The following EPG5 variants were observed in gnomAD, a reference collection of about 807,000 sequenced individuals.
EPG5 encodes ectopic P-granules 5 autophagy tethering factor.
EPG5 carries 159 observed loss-of-function variants against 302.7 expected under a neutral mutation model. The ratio of observed to expected loss-of-function variants is 0.53; its 90% CI spans 0.46 to 0.60. The LOEUF (loss-of-function observed/expected upper bound fraction) is 0.60. EPG5 is among the 20% of genes least tolerant of loss of function. The pLI is 0.00. For synonymous variants in EPG5, 1,158 were observed against 1,136.8 expected, an observed-to-expected ratio of 1.02 and a Z score of -0.37; for missense variants, 2,896 against 3,092.4, an observed-to-expected ratio of 0.94 and a Z score of 1.51.
In EPG5 at chr18:45,870,568, T is replaced by A. The variant is rs1439300133; in HGVS notation, c.6224A>T (p.Lys2075Ile). 6.2e-7 allele frequency: 1 copy of A among 1,612,068 alleles called. No individual in the cohort carries two copies. The highest frequency in any genetic ancestry group is 8.5e-7 in the Non-Finnish European group (1 of 1,178,442). The change falls in exon 36 of 44, where the codon AAA (lysine) becomes ATA (isoleucine). Residue 2075 changes from lysine to isoleucine, a missense_variant and splice_region_variant. Around this residue, in one of 5 missense-constraint regions of EPG5, gnomAD observed 620 missense variants for 704.2 expected, o/e 0.88. Transcript: ENST00000282041. ...CGATGCCGGGAATGAAGGGCTTACT[T>A]TGAAGAAGGCCTCCATGAGCATCTG... ...PDQMLMEAFF[K>I]VERGSPKSCF...
At chr18:45,890,144 C>A in intron 27 of EPG5, 1 of 401,352 alleles carries the variant, frequency 2.5e-6, no homozygotes, top group Non-Finnish European at 4.4e-6. Flanking sequence ...ACTTATGTTT[C>A]AACTCCTGAA....
chr18:45,824,183 C>T, the EPG5 span, among the ~76,000 whole-genome samples: 1 of 152,122 alleles, frequency 6.6e-6, no homozygotes, highest in Non-Finnish European at 1.5e-5. Context: ...CCTGAAGGGC[C>T]TCCTGTGTCG....
At chr18:45,861,543 TCAAC>T (rs1295672925) in intron 39 of EPG5, among the ~76,000 whole-genome samples, 2 of 152,200 alleles carry the variant, frequency 1.3e-5, no homozygotes, top group Non-Finnish European at 2.9e-5. Flanking sequence ...CAGCTATTAT[TCAAC>T]CTTCCTGGTT....
At chr18:45,834,602 G>C in the EPG5 span, among the ~76,000 whole-genome samples, 1 of 152,204 alleles carries the variant, frequency 6.6e-6, no homozygotes, top group African/African-American at 2.4e-5. Flanking sequence ...TACGGCATCT[G>C]GCAGACTGTA....
In EPG5 at chr18:45,946,760, G is replaced by A. The variant is rs368399347; in HGVS notation, c.1580C>T (p.Ala527Val). Residue 527 changes from alanine to valine, a missense_variant, in exon 7 of 44, where the codon GCT becomes GTT. By Grantham distance (64) the Ala-to-Val change is moderately conservative (BLOSUM62 0). Transcript: ENST00000282041. Reference protein sequence around the residue: ...ALLMSPVKNRAEFMCHMKPSE... With the variant: ...ALLMSPVKNRVEFMCHMKPSE... ...GGGCTTCATGTGGCACATAAACTCA[G>A]CTCGATTTCTAAAGGACAAGAATAA... The A allele has an allele frequency of 2.5e-6, 4 of 1,613,976 alleles. No homozygotes were observed. In the African/African-American group the frequency reaches 5.3e-5, roughly 22 times the overall value.
chr18:45,884,737 G>A lies in EPG5; in HGVS notation c.5184C>T (p.Ser1728=), dbSNP rs760318123. The change falls in exon 30 of 44, where the codon TCC becomes TCT. Residue 1728 remains serine, a synonymous_variant. Coordinates refer to ENST00000282041, the MANE Select transcript of EPG5 (RefSeq NM_020964.3). ...TGGGAGTGAAGAAAGGAGACAGCAGGGAGCAGAGCCTGCTGTTCTTCAGAA... is the reference window on the plus strand; with the variant it reads ...TGGGAGTGAAGAAAGGAGACAGCAGAGAGCAGAGCCTGCTGTTCTTCAGAA... The part of the protein sequence containing the change: ...ETILKNSRLC[S]LLSPFFTPNA... The A allele has an allele frequency of 6.2e-7, 1 of 1,608,366 alleles. No individual in the cohort carries two copies. The highest frequency in any genetic ancestry group is 1.3e-5 in the African/African-American group (1 of 74,358).
chr18:45,864,301 G>C (rs539462053), intron 39 of EPG5, among the ~76,000 whole-genome samples: 1 of 152,088 alleles, frequency 6.6e-6, no homozygotes, highest in South Asian at 2.1e-4. Flanking sequence ...ATTTTCTTCA[G>C]TTTTGTTTTC....
chr18:45,861,352 G>A (rs1173777477), intron 39 of EPG5, among the ~76,000 whole-genome samples: 2 of 152,190 alleles, frequency 1.3e-5, no homozygotes, highest in Non-Finnish European at 2.9e-5. Flanking sequence ...CAACGGAATA[G>A]CAATTTAAAT....
At chr18:45,917,848 C>T (rs761036773) in intron 16 of EPG5, 29 bp from the exon 17 acceptor site, 4 of 1,611,514 alleles carry the variant, frequency 2.5e-6, no homozygotes, top group Admixed American at 3.3e-5. Flanking sequence ...GCACTGAATA[C>T]ACAAGGGAGC....
chr18:45,863,481 G>A (rs1347577405), intron 39 of EPG5, among the ~76,000 whole-genome samples: 1 of 152,052 alleles, frequency 6.6e-6, no homozygotes, highest in Non-Finnish European at 1.5e-5. Context: ...TTTAATCAAG[G>A]TATAAAGTTA....
Position 45,860,129 on chromosome 18 carries a change from G to A in EPG5, c.6984C>T (p.Ala2328=), listed in dbSNP as rs2048602014. 6.2e-7 allele frequency: 1 copy of A among 1,614,262 alleles called. No individual in the cohort carries two copies. Among genetic ancestry groups the A allele is most frequent in the Non-Finnish European group, 8.5e-7 (1 of 1,180,056 alleles). ...SVRHMAETTE[A]CITAYFKESP... ...TTTCTTTGAAGTAGGCAGTGATGCA[G>A]GCTTCTGTAGTCTCAGCCATGTGGC... The change falls in exon 40 of 44, where the codon GCC becomes GCT. Residue 2328 remains alanine (A), a synonymous_variant. Transcript: ENST00000282041.
In EPG5 at chr18:45,867,577, G is replaced by A. The variant is rs569509306; in HGVS notation, c.6397C>T (p.Leu2133=). The A allele has an allele frequency of 1.6e-5, 26 of 1,613,958 alleles. No individual in the cohort carries two copies. In the South Asian group the frequency reaches 2.7e-4, roughly 17 times the overall value. The change falls in exon 37 of 44, where the codon CTG becomes TTG. Residue 2133 remains leucine (L), a synonymous_variant. Coordinates refer to ENST00000282041, the MANE Select transcript of EPG5 (RefSeq NM_020964.3). ...CCCAAACTTACTGTTTGGTCTACCA[G>A]TTGAACTTCCTTTGCCAATAAAATC... is the stretch of plus-strand genomic sequence containing the variant. ...MMILLAKEVQ[L]VDQTDSPLLS...
intron 27 of EPG5, 129 bp from the exon 28 acceptor site, chr18:45,890,069 T>C: frequency 1.6e-6 from 1 of 617,386 alleles, no homozygotes; most frequent in East Asian, 3.0e-5. Context: ...ATGACTGCCT[T>C]ATAAACTGGT....
chr18:45,961,232 G>A (rs1328263819), intron 1 of EPG5, among the ~76,000 whole-genome samples: 2 of 152,178 alleles, frequency 1.3e-5, no homozygotes, highest in Non-Finnish European at 2.9e-5. Flanking sequence ...TCTCCAAAAA[G>A]CAGTCACAGT....
chr18:45,800,956 A>G, the EPG5 span, among the ~76,000 whole-genome samples: 7 of 152,208 alleles, frequency 4.6e-5, no homozygotes, highest in Non-Finnish European at 7.3e-5. Flanking sequence ...GAGGTGGTGT[A>G]TAGACTCCAA....
chr18:45,830,409 C>G, the EPG5 span, among the ~76,000 whole-genome samples: 6 of 152,098 alleles, frequency 3.9e-5, no homozygotes, highest in South Asian at 6.2e-4. Context: ...AGCTAATGCC[C>G]GATGCGGCAG....
chr18:45,961,349 G>T (rs1471622181), intron 1 of EPG5, among the ~76,000 whole-genome samples: 1 of 152,172 alleles, frequency 6.6e-6, no homozygotes. Flanking sequence ...AACATGACCA[G>T]GCTATGCTAC....
Position 45,923,315 on chromosome 18 carries a change from G to C in EPG5, c.2791C>G (p.Leu931Val). Residue 931 changes from leucine to valine, a missense_variant, in exon 15 of 44, where the codon CTT becomes GTT. Around this residue, in one of 5 missense-constraint regions of EPG5, gnomAD observed 1,390 missense variants for 1,430.0 expected, o/e 0.97. Coordinates refer to ENST00000282041, the MANE Select transcript of EPG5 (RefSeq NM_020964.3). ...ATCCCAGCATATGGCTTCTGTGCAA[G>C]GTACTTCTGATAAGCTTCAAGAACC... ...LMVLEAYQKY[L>V]AQKPYAGILS... 1 of 1,613,990 alleles carries C rather than the reference G, an allele frequency of 6.2e-7. No homozygotes were observed. The highest frequency in any genetic ancestry group is 8.5e-7 in the Non-Finnish European group (1 of 1,179,950).
chr18:45,878,158 G>C (rs1375401954), intron 34 of EPG5, among the ~76,000 whole-genome samples: 1 of 152,086 alleles, frequency 6.6e-6, no homozygotes, highest in Non-Finnish European at 1.5e-5. Context: ...GTCCAGTTTT[G>C]TTCCAAAATT....
Sources: gnomAD v4.1 joint callset for allele counts (sites outside exome capture counted in the v4.1 genomes callset) on GRCh38, gnomAD v4.1.1 for gene constraint, gnomAD v4.1.1 regional missense constraint, MANE v1.5 for transcripts, NCBI Gene and HGNC (gene_info 2026-07-23, HGNC 2026-07-21) for gene names.